ARB2A: variants seen among roughly 807,000 people sequenced by gnomAD.
ARB2A encodes ARB2 cotranscriptional regulator A.
the ARB2A span, among the ~76,000 whole-genome samples, chr5:93,690,269 A>T: frequency 6.6e-6 from 1 of 152,050 alleles, no homozygotes; most frequent in South Asian, 2.1e-4. Context: ...AGTGGATCCC[A>T]CCCCCATGGA....
At chr5:93,700,413 G>A in the ARB2A span, among the ~76,000 whole-genome samples, 5 of 151,714 alleles carry the variant, frequency 3.3e-5, no homozygotes, top group South Asian at 2.1e-4. Context: ...CATTTTAAAC[G>A]AAAAGGAAGA....
the ARB2A span, among the ~76,000 whole-genome samples, chr5:93,667,797 T>A: frequency 6.6e-6 from 1 of 152,320 alleles, no homozygotes; most frequent in East Asian, 1.9e-4. Context: ...TAGCTAGTGA[T>A]ATTCATTAGT....
At chr5:93,622,230 G>A in the ARB2A span, among the ~76,000 whole-genome samples, 1 of 152,108 alleles carries the variant, frequency 6.6e-6, no homozygotes, top group Non-Finnish European at 1.5e-5. Flanking sequence ...TGAGTGAATA[G>A]CTTTTAAACA....
At chr5:94,058,984 C>T in the ARB2A span, among the ~76,000 whole-genome samples, 1 of 152,106 alleles carries the variant, frequency 6.6e-6, no homozygotes, top group Non-Finnish European at 1.5e-5. Context: ...ATGTAACATA[C>T]TGGTACCCCT....
At chr5:93,977,814 A>G in the ARB2A span, among the ~76,000 whole-genome samples, 2 of 152,170 alleles carry the variant, frequency 1.3e-5, no homozygotes, top group Non-Finnish European at 2.9e-5. Context: ...GAAACTGTCA[A>G]ACGAGTTAAC....
chr5:93,870,586 T>C, the ARB2A span, among the ~76,000 whole-genome samples: 124,307 of 152,238 alleles, frequency 0.82, 51,108 homozygotes, highest in East Asian at 0.95. Context: ...CATTATAGTA[T>C]TAAGACATTG....
chr5:93,619,954 G>C, the ARB2A span: 11 of 152,214 alleles, frequency 7.2e-5, no homozygotes, highest in Admixed American at 4.6e-4. Flanking sequence ...AGAGCACAAA[G>C]GTTTCGTTTC....
chr5:93,936,832 A>T, the ARB2A span, among the ~76,000 whole-genome samples: 2 of 152,150 alleles, frequency 1.3e-5, no homozygotes, highest in Non-Finnish European at 2.9e-5. Flanking sequence ...TTTAATCAAA[A>T]TTATACAGAA....
the ARB2A span, chr5:93,740,947 A>T: frequency 6.2e-7 from 1 of 1,613,936 alleles, no homozygotes. Context: ...AGACTGTTGC[A>T]GGATCATCTC....
the ARB2A span, among the ~76,000 whole-genome samples, chr5:94,031,633 A>G: frequency 1.3e-5 from 2 of 152,234 alleles, no homozygotes; most frequent in Non-Finnish European, 2.9e-5. Context: ...TGTAGCTCAC[A>G]GGCCATTTGC....
chr5:93,828,155 G>A, the ARB2A span, among the ~76,000 whole-genome samples: 4 of 152,092 alleles, frequency 2.6e-5, no homozygotes, highest in Non-Finnish European at 2.9e-5. Flanking sequence ...TGATGGGGAT[G>A]GCATTGAATC....
At chr5:93,696,517 C>T in the ARB2A span, among the ~76,000 whole-genome samples, 1 of 152,146 alleles carries the variant, frequency 6.6e-6, no homozygotes, top group South Asian at 2.1e-4. Flanking sequence ...TTCTCTATTA[C>T]TTAGATCAAT....
the ARB2A span, among the ~76,000 whole-genome samples, chr5:93,859,409 T>G: frequency 6.6e-6 from 1 of 151,692 alleles, no homozygotes. Flanking sequence ...GGAAAAACTC[T>G]AAGGCACATG....
chr5:93,755,129 C>T, the ARB2A span, among the ~76,000 whole-genome samples: 1 of 152,142 alleles, frequency 6.6e-6, no homozygotes, highest in Non-Finnish European at 1.5e-5. Context: ...TTTTCAGTGT[C>T]TTCCTTCTGA....
the ARB2A span, among the ~76,000 whole-genome samples, chr5:93,990,971 C>T: frequency 1.3e-5 from 2 of 152,016 alleles, no homozygotes; most frequent in Admixed American, 6.6e-5. Context: ...TGGCACGATT[C>T]GATTGAAAAG....
At chr5:93,958,186 T>C in the ARB2A span, among the ~76,000 whole-genome samples, 6 of 152,102 alleles carry the variant, frequency 3.9e-5, no homozygotes, top group Admixed American at 1.3e-4. Context: ...CAAATAAGAA[T>C]AAAGTATTCA....
chr5:93,934,695 C>A, the ARB2A span, among the ~76,000 whole-genome samples: 7 of 152,126 alleles, frequency 4.6e-5, no homozygotes, highest in Non-Finnish European at 1.0e-4. Flanking sequence ...TTTGGCCTGT[C>A]AGAATATGAT....
the ARB2A span, among the ~76,000 whole-genome samples, chr5:94,086,126 C>G: frequency 4.6e-5 from 7 of 152,126 alleles, no homozygotes; most frequent in Non-Finnish European, 8.8e-5. Context: ...TTATATTATA[C>G]TATATAACTT....
At chr5:93,962,414 T>A in the ARB2A span, among the ~76,000 whole-genome samples, 4 of 152,204 alleles carry the variant, frequency 2.6e-5, no homozygotes, top group African/African-American at 9.6e-5. Context: ...AGATGTGGAT[T>A]AAACATAGGC....
Sources: gnomAD v4.1 joint callset for allele counts (sites outside exome capture counted in the v4.1 genomes callset) on GRCh38, gnomAD v4.1.1 for gene constraint, MANE v1.5 for transcripts, NCBI Gene and HGNC (gene_info 2026-07-23, HGNC 2026-07-21) for gene names.